The following MRPL13 variants were observed in gnomAD, a reference collection of about 807,000 sequenced individuals.
The protein encoded by MRPL13 is large ribosomal subunit protein uL13m.
In MRPL13, 33 loss-of-function variants were observed where a neutral mutation model predicts 29.0. The observed-to-expected ratio is 1.14, with a 90% CI of 0.86 to 1.52. The LOEUF (loss-of-function observed/expected upper bound fraction) is 1.52. MRPL13 is among the 40% of genes most tolerant of loss of function. The pLI, the probability that MRPL13 is intolerant of heterozygous loss-of-function variation, is 0.00. For synonymous variants in MRPL13, 77 were observed against 68.4 expected (o/e 1.13, Z -0.62); for missense variants, 227 against 216.7 (o/e 1.05, Z -0.30).
Position 120,419,889 on chromosome 8 carries a change from C to T in MRPL13, c.356G>A (p.Arg119Lys). The T allele has an allele frequency of 6.3e-7, 1 of 1,595,622 alleles. No individual in the cohort carries two copies. Among genetic ancestry groups the T allele is most frequent in the Non-Finnish European group, 8.5e-7 (1 of 1,171,176 alleles). Residue 119 changes from arginine to lysine, a missense_variant, in exon 5 of 7, where the codon AGA (arginine) becomes AAA (lysine). By Grantham distance (26) the Arg-to-Lys change is conservative. Transcript: ENST00000306185. ...AAGATGCAACCTTTCCATCATTGTT[C>T]TTCTGTGAAGGTTTTTTGGCAGCAT... Reference protein sequence around the residue: ...YGMLPKNLHRRTMMERLHLFP... With the variant: ...YGMLPKNLHRKTMMERLHLFP...
At chr8:120,437,561 C>T (rs1813069075) in intron 2 of MRPL13, among the ~76,000 whole-genome samples, 1 of 152,090 alleles carries the variant, frequency 6.6e-6, no homozygotes, top group African/African-American at 2.4e-5. Flanking sequence ...CATATATAAC[C>T]TATTTTTTGA....
chr8:120,444,217 A>G (rs897686830), intron 1 of MRPL13, among the ~76,000 whole-genome samples: 3 of 152,152 alleles, frequency 2.0e-5, no homozygotes, highest in African/African-American at 7.2e-5. Flanking sequence ...AAGGTTTTAA[A>G]ATTTTTATTT....
At chr8:120,442,151 T>C (rs1813131753) in intron 2 of MRPL13, among the ~76,000 whole-genome samples, 2 of 152,038 alleles carry the variant, frequency 1.3e-5, no homozygotes, top group Non-Finnish European at 2.9e-5. Flanking sequence ...CAAATTGAAA[T>C]CACAAAGCAA....
intron 2 of MRPL13, among the ~76,000 whole-genome samples, chr8:120,434,283 T>G (rs564024930): frequency 6.6e-6 from 1 of 152,206 alleles, no homozygotes; most frequent in South Asian, 2.1e-4. Flanking sequence ...AAGTAATAAT[T>G]ATTCAACATC....
chr8:120,430,895 T>C (rs1812989146), intron 3 of MRPL13, among the ~76,000 whole-genome samples: 1 of 152,222 alleles, frequency 6.6e-6, no homozygotes, highest in African/African-American at 2.4e-5. Context: ...CATAGCATTT[T>C]GTGTCAATAC....
At chr8:120,396,178 T>G in intron 6 of MRPL13, 53 bp from the exon 7 acceptor site, 1 of 1,334,464 alleles carries the variant, frequency 7.5e-7, no homozygotes, top group Non-Finnish European at 1.1e-6. Context: ...TGTTTTCTCC[T>G]GACTGATGAG....
At chr8:120,437,627 T>C (rs944476626) in intron 2 of MRPL13, among the ~76,000 whole-genome samples, 4 of 152,140 alleles carry the variant, frequency 2.6e-5, no homozygotes, top group African/African-American at 7.2e-5. Context: ...AGGGCAGCTC[T>C]AATTAGAAGG....
At chr8:120,407,442 C>T (rs76805101) in intron 6 of MRPL13, among the ~76,000 whole-genome samples, 3 of 151,810 alleles carry the variant, frequency 2.0e-5, no homozygotes, top group South Asian at 2.1e-4. Flanking sequence ...GTCAAGAGAT[C>T]GAGACCATCC....
chr8:120,419,567 A>G (rs1812843628), intron 5 of MRPL13: 1 of 189,940 alleles, frequency 5.3e-6, no homozygotes, highest in Admixed American at 6.1e-5. Flanking sequence ...ACCTCAATTT[A>G]ACAGGGTTTC....
intron 3 of MRPL13, among the ~76,000 whole-genome samples, 165 bp downstream of exon 3, chr8:120,431,865 T>C (rs1209470379): frequency 6.6e-6 from 1 of 152,128 alleles, no homozygotes; most frequent in African/African-American, 2.4e-5. Flanking sequence ...TTTGGTATAG[T>C]TGTGTGGTTT....
chr8:120,423,966 TAAA>T, intron 4 of MRPL13, among the ~76,000 whole-genome samples: 1 of 151,854 alleles, frequency 6.6e-6, no homozygotes, highest in East Asian at 1.9e-4. Flanking sequence ...GGAAGTAAGG[TAAA>T]AATACTGATG....
chr8:120,440,979 C>CT (rs1283179662), intron 2 of MRPL13, among the ~76,000 whole-genome samples: 3 of 151,506 alleles, frequency 2.0e-5, no homozygotes, highest in Non-Finnish European at 4.4e-5. Flanking sequence ...TTCAGATATA[C>CT]TTTTTTCTAA....
At chr8:120,442,250 T>C (rs995676388) in intron 2 of MRPL13, among the ~76,000 whole-genome samples, 7 of 152,212 alleles carry the variant, frequency 4.6e-5, no homozygotes, top group Non-Finnish European at 8.8e-5. Context: ...AACTCTTGCA[T>C]GCTACTGGCA....
chr8:120,410,058 TCTG>T (rs982025275), intron 6 of MRPL13, among the ~76,000 whole-genome samples: 3 of 152,224 alleles, frequency 2.0e-5, no homozygotes, highest in Non-Finnish European at 4.4e-5. Flanking sequence ...GATAATTGTT[TCTG>T]CTGCTCAGAA....
chr8:120,413,278 A>G (rs1483453833), intron 6 of MRPL13, among the ~76,000 whole-genome samples: 1 of 152,256 alleles, frequency 6.6e-6, no homozygotes, highest in African/African-American at 2.4e-5. Flanking sequence ...TAAGACAAAC[A>G]TGTAGCTCCC....
chr8:120,435,676 G>T (rs957664984), intron 2 of MRPL13, among the ~76,000 whole-genome samples: 1 of 151,714 alleles, frequency 6.6e-6, no homozygotes, highest in Non-Finnish European at 1.5e-5. Context: ...ATATCTGCAT[G>T]CTTTAAGTTC....
At chr8:120,412,310 T>TA (rs554913230) in intron 6 of MRPL13, among the ~76,000 whole-genome samples, 262 of 152,266 alleles carry the variant, frequency 1.7e-3, no homozygotes, top group Middle Eastern at 0.014. Flanking sequence ...TACATCAACT[T>TA]AAGTACATTT....
intron 6 of MRPL13, 100 bp downstream of exon 6, chr8:120,413,891 G>T: frequency 7.5e-7 from 1 of 1,334,618 alleles, no homozygotes; most frequent in Non-Finnish European, 9.7e-7. Flanking sequence ...GCAAAAAAAT[G>T]AGTTCACTCT....
Position 120,400,332 on chromosome 8 carries a change from C to A in MRPL13, c.516-4207G>T, listed in dbSNP as rs115205475. ...TCAAGGCTAAGAAATTCACTCAAAACCACACAACTATATGGAAACCGAACA... is the reference window on the plus strand; with the variant it reads ...TCAAGGCTAAGAAATTCACTCAAAAACACACAACTATATGGAAACCGAACA... On this transcript the variant is annotated intron_variant, in intron 6 of 6. Transcript: ENST00000306185. 5.1e-3 allele frequency among the ~76,000 whole-genome samples: 782 copies of A among 152,274 alleles called. 8 individuals carry two copies. The highest frequency in any genetic ancestry group is 0.017 in the African/African-American group (696 of 41,556).
Sources: allele counts gnomAD v4.1 joint callset (sites outside exome capture counted in the v4.1 genomes callset), GRCh38; gene constraint gnomAD v4.1.1; transcripts MANE v1.5; gene names NCBI Gene and HGNC (gene_info 2026-07-23, HGNC 2026-07-21).